ANKS1B: variants seen among roughly 807,000 people sequenced by gnomAD.
The protein encoded by ANKS1B is ankyrin repeat and sterile alpha motif domain-containing protein 1B.
In ANKS1B, 36 loss-of-function variants were observed where a neutral mutation model predicts 148.3. The ratio of observed to expected loss-of-function variants is 0.24; its 90% confidence interval spans 0.19 to 0.32. ANKS1B has a LOEUF of 0.32. ANKS1B is among the 10% of genes least tolerant of loss of function. The probability of loss-of-function intolerance (pLI) is 1.00; values close to 1 mark genes in which losing one functional copy is unlikely to be tolerated. For synonymous variants in ANKS1B, 542 were observed against 560.8 expected (o/e 0.97, Z 0.47); for missense variants, 1,157 against 1,542.6 (o/e 0.75, Z 4.19).
intron 1 of ANKS1B, among the ~76,000 whole-genome samples, chr12:99,959,375 C>A (rs1198983300): frequency 6.6e-6 from 1 of 151,780 alleles, no homozygotes; most frequent in Non-Finnish European, 1.5e-5. Context: ...CCATGCCTGG[C>A]CAAGAACATG....
chr12:99,118,582 C>T (rs1431082891), intron 15 of ANKS1B, among the ~76,000 whole-genome samples: 5 of 152,162 alleles, frequency 3.3e-5, no homozygotes. Flanking sequence ...ATTTACCAAA[C>T]TAAAATATAA....
At chr12:99,328,466 T>C (rs1222323919) in intron 12 of ANKS1B, among the ~76,000 whole-genome samples, 3 of 151,924 alleles carry the variant, frequency 2.0e-5, no homozygotes, top group African/African-American at 7.2e-5. Context: ...CCAGGAACAG[T>C]GCTTGCTCCC....
At chr12:99,157,132 A>G (rs899764296) in intron 14 of ANKS1B, among the ~76,000 whole-genome samples, 2 of 152,148 alleles carry the variant, frequency 1.3e-5, no homozygotes, top group Non-Finnish European at 2.9e-5. Flanking sequence ...AAGAGTTTGT[A>G]GTAGTTTATG....
chr12:99,220,017 T>G (rs958147535), intron 14 of ANKS1B, among the ~76,000 whole-genome samples: 1 of 152,232 alleles, frequency 6.6e-6, no homozygotes, highest in African/African-American at 2.4e-5. Flanking sequence ...TATTACTTTT[T>G]GAGATGGAAT....
Position 99,928,277 on chromosome 12 carries a change from T to A in ANKS1B, c.134+55827A>T, listed in dbSNP as rs11110131. On this transcript the variant is annotated intron_variant, in intron 1 of 26. Transcript: ENST00000683438. Reference sequence around the variant, plus strand: ...TATTATTTTATTTTATTTTATTTTTTTTTTTTTTTTTTGAGACGGAGTCTC... The same window carrying A: ...TATTATTTTATTTTATTTTATTTTTATTTTTTTTTTTTGAGACGGAGTCTC... 4.3e-4 allele frequency among the ~76,000 whole-genome samples: 24 copies of A among 55,490 alleles called. 1 individual carries two copies. Among genetic ancestry groups the A allele is most frequent in the South Asian group, 7.6e-4 (2 of 2,616 alleles). The allele number at this position is 55,490 out of a possible 152,430, so 36.4% of individuals were successfully genotyped here.
chr12:99,044,292 T>G (rs115896847), intron 17 of ANKS1B, among the ~76,000 whole-genome samples: 1 of 149,348 alleles, frequency 6.7e-6, no homozygotes. Context: ...CATGCCAAAT[T>G]AGCAAGATAC....
intron 17 of ANKS1B, among the ~76,000 whole-genome samples, chr12:98,897,655 T>C (rs1275163849): frequency 2.0e-5 from 3 of 152,166 alleles, no homozygotes; most frequent in African/African-American, 4.8e-5. Flanking sequence ...GAAAATAGTA[T>C]AGGGATTTCT....
chr12:99,200,763 A>G (rs190681662), intron 14 of ANKS1B, among the ~76,000 whole-genome samples: 1 of 152,340 alleles, frequency 6.6e-6, no homozygotes, highest in Non-Finnish European at 1.5e-5. Flanking sequence ...GATTCTAGGC[A>G]GTTCTTAGAA....
chr12:99,870,494 T>C (rs1476355991), intron 1 of ANKS1B, among the ~76,000 whole-genome samples: 1 of 152,262 alleles, frequency 6.6e-6, no homozygotes, highest in African/African-American at 2.4e-5. Context: ...TTCTAAGATA[T>C]TTGAGAAATA....
chr12:98,790,563 T>C, intron 22 of ANKS1B, among the ~76,000 whole-genome samples: 1 of 151,806 alleles, frequency 6.6e-6, no homozygotes, highest in East Asian at 1.9e-4. Context: ...CCCCAAGAGA[T>C]CCTCTTGCCT....
At chr12:99,816,210 T>C (rs111758980) in intron 2 of ANKS1B, among the ~76,000 whole-genome samples, 2,479 of 152,030 alleles carry the variant, frequency 0.016, 79 homozygotes, top group African/African-American at 0.057. Flanking sequence ...TAGCTCATTG[T>C]GGTTTTAATT....
chr12:99,436,765 T>A (rs953748702), intron 11 of ANKS1B, among the ~76,000 whole-genome samples: 13 of 151,980 alleles, frequency 8.6e-5, no homozygotes, highest in Admixed American at 6.6e-5. Context: ...TCAGGTTGAG[T>A]AGGTACCTGA....
At chr12:99,672,184 T>G (rs1790492664) in intron 8 of ANKS1B, among the ~76,000 whole-genome samples, 1 of 152,088 alleles carries the variant, frequency 6.6e-6, no homozygotes, top group Admixed American at 6.6e-5. Context: ...ATTAAACCCA[T>G]GCTGGATAAG....
chr12:99,053,329 A>C lies in ANKS1B; in HGVS notation c.2626-20T>G. 1.3e-6 allele frequency: 2 copies of C among 1,566,320 alleles called. No homozygotes were observed. Among genetic ancestry groups the C allele is most frequent in the Non-Finnish European group, 1.7e-6 (2 of 1,159,160 alleles). ...TCTCATCTGTAATAAAGAAAATTAC[A>C]TTAGGATTAAACTGTATACTTTGTG... On this transcript the variant is annotated intron_variant, in intron 16 of 26. Transcript: ENST00000683438.
chr12:99,617,807 T>TA (rs36091720), intron 9 of ANKS1B, among the ~76,000 whole-genome samples: 17,645 of 147,762 alleles, frequency 0.12, 1,265 homozygotes, highest in Middle Eastern at 0.18. Context: ...AAGTAAGATT[T>TA]AAAAAAAAAA....
chr12:99,385,109 G>A (rs1045508787), intron 12 of ANKS1B, among the ~76,000 whole-genome samples: 3 of 121,208 alleles, frequency 2.5e-5, no homozygotes, highest in African/African-American at 3.1e-5. Context: ...ATGAACATAC[G>A]ACATCAGCTC....
intron 1 of ANKS1B, among the ~76,000 whole-genome samples, chr12:99,967,830 C>CG (rs2095504724): frequency 6.6e-6 from 1 of 150,762 alleles, no homozygotes; most frequent in Admixed American, 6.6e-5. Flanking sequence ...TCGCTTGAAC[C>CG]CAGGAGGCGG....
intron 16 of ANKS1B, among the ~76,000 whole-genome samples, chr12:99,075,885 A>G (rs1253689307): frequency 1.3e-5 from 2 of 148,586 alleles, no homozygotes; most frequent in Non-Finnish European, 3.0e-5. Context: ...TAAAATATAT[A>G]TCATATTGTA....
chr12:99,676,645 A>C (rs182760769), intron 8 of ANKS1B, among the ~76,000 whole-genome samples: 3 of 152,364 alleles, frequency 2.0e-5, no homozygotes, highest in African/African-American at 7.2e-5. Flanking sequence ...TTTCAATTTG[A>C]AATATTCCAT....
Sources: gnomAD v4.1 joint callset for allele counts (sites outside exome capture counted in the v4.1 genomes callset) on GRCh38, gnomAD v4.1.1 for gene constraint, MANE v1.5 for transcripts, NCBI Gene and HGNC (gene_info 2026-07-23, HGNC 2026-07-21) for gene names.